The following ANKRD22 variants were observed in gnomAD, a reference collection of about 807,000 sequenced individuals.
ANKRD22 encodes the protein ankyrin repeat domain-containing protein 22.
Under a neutral mutation model 25.7 loss-of-function variants are expected in ANKRD22, and 24 were observed. That is an observed-to-expected ratio of 0.93 (90% CI 0.68 to 1.31). The LOEUF is 1.31. Among genes scored for constraint, ANKRD22 ranks in the 50% most tolerant of loss-of-function variants. ANKRD22 has a pLI of 0.00. For synonymous variants in ANKRD22, 84 were observed against 84.3 expected, an observed-to-expected ratio of 1.00 and a Z score of 0.02; for missense variants, 214 against 227.1, an observed-to-expected ratio of 0.94 and a Z score of 0.37.
At position 88,851,586 on chromosome 10, in the gene ANKRD22, C is replaced by T. The variant is rs372901594; in HGVS notation, c.21+1G>A. 3 of 1,613,216 alleles carry T rather than the reference C, an allele frequency of 1.9e-6. No individual in the cohort carries two copies. The highest frequency in any genetic ancestry group is 1.7e-5 in the Admixed American group (1 of 59,944). On this transcript the variant is annotated splice_donor_variant, in intron 1 of 5. Transcript: ENST00000371930. LOFTEE classifies it high-confidence loss of function. ...ACTCTGCTTTCAGAAAGGTGATGTA[C>T]CTCAGAGTATAGGATTCCCATGCTG...
intron 4 of ANKRD22, among the ~76,000 whole-genome samples, chr10:88,825,009 TCTCACACA>T (rs1456709935): frequency 1.9e-4 from 25 of 132,908 alleles, no homozygotes; most frequent in East Asian, 6.9e-4. Flanking sequence ...TCTCTCTCTC[TCTCACACA>T]CACACACACA....
At chr10:88,826,269 C>G (rs1313406930) in intron 3 of ANKRD22, among the ~76,000 whole-genome samples, 154 bp from the exon 4 acceptor site, 1 of 152,182 alleles carries the variant, frequency 6.6e-6, no homozygotes. Context: ...CTCACTCACT[C>G]TAATATCAAT....
rs1360272962 is a variant in ANKRD22 at position 88,820,454 on chromosome 10, C to G, written c.*2487G>C. On this transcript the variant is annotated 3_prime_UTR_variant, in exon 6 of 6. Coordinates refer to ENST00000371930, the MANE Select transcript of ANKRD22 (RefSeq NM_144590.3). ...CAATGAAATCATCCATCTGATGCAG[C>G]AGGAGGAGACCAACCTTTCCCAGGG... 2 of 1,551,808 alleles carry G rather than the reference C, an allele frequency of 1.3e-6. No homozygotes were observed. Among genetic ancestry groups the G allele is most frequent in the East Asian group, 2.4e-5 (1 of 40,914 alleles).
chr10:88,843,539 T>C (rs2133080603), intron 1 of ANKRD22, among the ~76,000 whole-genome samples: 1 of 152,302 alleles, frequency 6.6e-6, no homozygotes, highest in East Asian at 1.9e-4. Flanking sequence ...AATTGTTTAC[T>C]TTAGTGGCAC....
rs781153719 is a variant in ANKRD22 at position 88,826,063 on chromosome 10, C to A, written c.374G>T (p.Gly125Val). The change falls in exon 4 of 6, where the codon GGC (glycine) becomes GTC (valine). Residue 125 changes from glycine to valine, a missense_variant. Physicochemically the swap from Gly to Val is moderately radical, Grantham distance 109. Transcript: ENST00000371930. Reference protein sequence around the residue: ...EALVRMLLDAGVEVNATDCYG... With the variant: ...EALVRMLLDAVVEVNATDCYG... ...ACAATCTGTAGCATTAACTTCGACGCCAGCATCAAGTAGCATTCGTACAAG... is the reference window on the plus strand; with the variant it reads ...ACAATCTGTAGCATTAACTTCGACGACAGCATCAAGTAGCATTCGTACAAG... The A allele has an allele frequency of 1.2e-6, 2 of 1,612,622 alleles. No homozygotes were observed. The highest frequency in any genetic ancestry group is 1.7e-4 in the Middle Eastern group (1 of 6,058).
intron 1 of ANKRD22, among the ~76,000 whole-genome samples, chr10:88,832,682 CA>C (rs1843918658): frequency 6.6e-6 from 1 of 152,080 alleles, no homozygotes; most frequent in African/African-American, 2.4e-5. Context: ...GTTTTTTAGG[CA>C]AATAATATAC....
intron 1 of ANKRD22, among the ~76,000 whole-genome samples, chr10:88,838,992 A>C (rs1339871661): frequency 1.3e-5 from 2 of 152,146 alleles, no homozygotes; most frequent in Non-Finnish European, 2.9e-5. Flanking sequence ...GCTCTGGACA[A>C]CCTGAAAAGC....
At chr10:88,826,624 T>C (rs1229384057) in intron 3 of ANKRD22, among the ~76,000 whole-genome samples, 10 of 152,146 alleles carry the variant, frequency 6.6e-5, no homozygotes, top group Non-Finnish European at 1.0e-4. Context: ...GCACAGGAAG[T>C]TCCTTCTGCC....
chr10:88,841,059 T>C (rs1188278506), intron 1 of ANKRD22, among the ~76,000 whole-genome samples: 1 of 152,108 alleles, frequency 6.6e-6, no homozygotes, highest in Non-Finnish European at 1.5e-5. Flanking sequence ...TTCTACTCTT[T>C]ATCCTGAAAG....
At chr10:88,823,565 C>G (rs1277460865) in intron 4 of ANKRD22, 187 bp from the exon 5 acceptor site, 1 of 512,022 alleles carries the variant, frequency 2.0e-6, no homozygotes, top group Admixed American at 3.3e-5. Context: ...CGGTGGCTCA[C>G]GCCTGTAATC....
At position 88,830,777 on chromosome 10, in the gene ANKRD22, C is replaced by T. The variant is rs17113454; in HGVS notation, c.213+1058G>A. Reference sequence around the variant, plus strand: ...AACGTCTCCTCCCTCAGTTTCCTAACGAGCGCACCTCTTAAAAGAGCGCAG... The same window carrying T: ...AACGTCTCCTCCCTCAGTTTCCTAATGAGCGCACCTCTTAAAAGAGCGCAG... On this transcript the variant is annotated intron_variant, in intron 2 of 5. Coordinates refer to ENST00000371930, the MANE Select transcript of ANKRD22 (RefSeq NM_144590.3). Among the ~76,000 whole-genome samples, 268 of 152,264 alleles carry T rather than the reference C, an allele frequency of 1.8e-3. 1 individual carries two copies. Among genetic ancestry groups the T allele is most frequent in the Non-Finnish European group, 3.0e-3 (202 of 68,014 alleles).
At chr10:88,823,230 G>C (rs150230429) in intron 5 of ANKRD22, 50 bp downstream of exon 5, 3 of 1,486,778 alleles carry the variant, frequency 2.0e-6, no homozygotes, top group African/African-American at 2.8e-5. Flanking sequence ...GCCTAGATTA[G>C]AAGATGCTGC....
intron 4 of ANKRD22, among the ~76,000 whole-genome samples, chr10:88,824,586 GGT>G (rs1491169348): frequency 1.3e-5 from 2 of 152,144 alleles, no homozygotes; most frequent in African/African-American, 4.8e-5. Flanking sequence ...TATTAGAAGT[GGT>G]GTCTGTGTGT....
chr10:88,825,958 C>A, intron 4 of ANKRD22, 80 bp downstream of exon 4: 1 of 1,192,056 alleles, frequency 8.4e-7, no homozygotes. Flanking sequence ...GAAAATAAAG[C>A]AACTGTACAG....
At chr10:88,847,891 C>G (rs1325760264) in intron 1 of ANKRD22, among the ~76,000 whole-genome samples, 1 of 151,768 alleles carries the variant, frequency 6.6e-6, no homozygotes, top group Non-Finnish European at 1.5e-5. Context: ...CATTTTTTAC[C>G]CTTTGTGGAC....
At chr10:88,839,056 T>C (rs1184733194) in intron 1 of ANKRD22, among the ~76,000 whole-genome samples, 4 of 152,192 alleles carry the variant, frequency 2.6e-5, no homozygotes, top group Admixed American at 2.6e-4. Flanking sequence ...CAGCCTCATC[T>C]ATCAATCTCC....
chr10:88,839,608 T>G (rs145426372), intron 1 of ANKRD22, among the ~76,000 whole-genome samples: 1 of 152,262 alleles, frequency 6.6e-6, no homozygotes, highest in East Asian at 1.9e-4. Flanking sequence ...TGGCCTTAAA[T>G]GAGCTAGTGG....
At position 88,846,609 on chromosome 10, in the gene ANKRD22, T is replaced by C. The variant is rs75628703; in HGVS notation, c.21+4978A>G. ...CACAAAAGATGTCCCTGGTGACCCA[T>C]GCCTTTTGTTAGCATGATAATGGAC... On this transcript the variant is annotated intron_variant, in intron 1 of 5. Transcript: ENST00000371930. Among the ~76,000 whole-genome samples, 868 of 152,314 alleles carry C rather than the reference T, an allele frequency of 5.7e-3. 8 individuals are homozygous for C. The highest frequency in any genetic ancestry group is 0.02 in the African/African-American group (816 of 41,580).
intron 5 of ANKRD22, 73 bp downstream of exon 5, chr10:88,823,207 A>C: frequency 7.2e-7 from 1 of 1,379,890 alleles, no homozygotes; most frequent in East Asian, 2.3e-5. Context: ...CAAATAATTT[A>C]CTTCAACATA....
Sources: gnomAD v4.1 joint callset for allele counts (sites outside exome capture counted in the v4.1 genomes callset) on GRCh38, gnomAD v4.1.1 for gene constraint, MANE v1.5 for transcripts, NCBI Gene and HGNC (gene_info 2026-07-23, HGNC 2026-07-21) for gene names.